Variants in TNRC6B observed in about 807,000 individuals in gnomAD.
TNRC6B encodes the protein trinucleotide repeat containing adaptor 6B.
Under a neutral mutation model 203.6 loss-of-function variants are expected in TNRC6B, and 52 were observed. That is an observed-to-expected ratio of 0.26 (90% CI 0.20 to 0.32). The LOEUF is 0.32. Ranked by LOEUF, TNRC6B falls within the 10% of genes least tolerant of loss-of-function variation. The probability of loss-of-function intolerance (pLI) is 1.00; values close to 1 mark genes in which losing one functional copy is unlikely to be tolerated. For missense variants in TNRC6B, 1,923 were observed against 2,286.2 expected, an observed-to-expected ratio of 0.84 and a Z score of 3.24; for synonymous variants, 838 against 845.7, an observed-to-expected ratio of 0.99 and a Z score of 0.16.
chr22:40,253,522 TGGG>T, intron 3 of TNRC6B: 4 of 450,670 alleles, frequency 8.9e-6, no homozygotes, highest in Admixed American at 7.2e-5. Flanking sequence ...TTTTTCCAAT[TGGG>T]GGCTTTCTCA....
At position 40,053,242 on chromosome 22, in the gene TNRC6B, A is replaced by G. The variant is rs1224848142; in HGVS notation, c.-121+8244A>G. 2.0e-5 allele frequency among the ~76,000 whole-genome samples: 3 copies of G among 152,150 alleles called. No individual in the cohort carries two copies. In the East Asian group the frequency reaches 5.8e-4, roughly 29 times the overall value. ...ATTAATGAAGTTTGACAGTTTTAAT[A>G]AGACTGACTTTCTTTGTGGTTTATA... On this transcript the variant is annotated intron_variant, in intron 1 of 23. Coordinates refer to the TNRC6B transcript ENST00000301923.
At chr22:40,068,622 G>A (rs557691109) in intron 1 of TNRC6B, among the ~76,000 whole-genome samples, 1 of 151,722 alleles carries the variant, frequency 6.6e-6, no homozygotes, top group East Asian at 1.9e-4. Context: ...CTGGCCTCTT[G>A]GTTTGTTCTT....
At chr22:40,081,306 T>G (rs2068061859) in intron 1 of TNRC6B, among the ~76,000 whole-genome samples, 1 of 121,130 alleles carries the variant, frequency 8.3e-6, no homozygotes, top group Non-Finnish European at 1.8e-5. Flanking sequence ...AGTGTCTGCG[T>G]GTTTTTTTTT....
chr22:40,157,639 T>A (rs193219680), intron 4 of TNRC6B, among the ~76,000 whole-genome samples: 1 of 152,346 alleles, frequency 6.6e-6, no homozygotes, highest in East Asian at 1.9e-4. Context: ...AATCAATTCA[T>A]CTTTAGCAAA....
At chr22:40,125,768 T>G in intron 2 of TNRC6B, 1 of 1,588,176 alleles carries the variant, frequency 6.3e-7, no homozygotes, top group South Asian at 1.2e-5. Context: ...CTCTCTTCTT[T>G]TAGGCAGTAT....
intron 1 of TNRC6B, among the ~76,000 whole-genome samples, chr22:40,097,346 C>T (rs1369941265): frequency 1.3e-5 from 2 of 151,764 alleles, no homozygotes; most frequent in African/African-American, 4.8e-5. Context: ...TTCTCTGTTT[C>T]CCAGGCTGGA....
chr22:40,138,102 G>A (rs2068615826), intron 3 of TNRC6B, among the ~76,000 whole-genome samples: 1 of 152,162 alleles, frequency 6.6e-6, no homozygotes, highest in African/African-American at 2.4e-5. Context: ...GAAGACTGAG[G>A]AAGGCTTTTG....
At chr22:40,085,169 A>T (rs1331048886) in intron 1 of TNRC6B, among the ~76,000 whole-genome samples, 1 of 152,180 alleles carries the variant, frequency 6.6e-6, no homozygotes, top group Non-Finnish European at 1.5e-5. Context: ...GTTTTGGAAG[A>T]AGATCTTCCA....
chr22:40,227,834 AGAAGAGCT>A (rs1477097143), intron 1 of TNRC6B, among the ~76,000 whole-genome samples: 4 of 152,260 alleles, frequency 2.6e-5, no homozygotes, highest in Non-Finnish European at 5.9e-5. Flanking sequence ...CTGAATGTTT[AGAAGAGCT>A]GTCCCACCAG....
intron 1 of TNRC6B, among the ~76,000 whole-genome samples, chr22:40,100,582 A>G (rs2068230921): frequency 6.6e-6 from 1 of 152,104 alleles, no homozygotes; most frequent in Non-Finnish European, 1.5e-5. Flanking sequence ...AGTCTTAATT[A>G]TTGGGTCTTA....
At chr22:40,150,294 C>T (rs1474643423) in intron 3 of TNRC6B, among the ~76,000 whole-genome samples, 1 of 152,146 alleles carries the variant, frequency 6.6e-6, no homozygotes, top group Non-Finnish European at 1.5e-5. Context: ...AGGAGAATGG[C>T]GTGAACCCGG....
At chr22:40,094,384 GA>G (rs928989048) in intron 1 of TNRC6B, among the ~76,000 whole-genome samples, 11 of 151,810 alleles carry the variant, frequency 7.2e-5, no homozygotes, top group African/African-American at 2.2e-4. Flanking sequence ...AACTTGTAAA[GA>G]AAAAAACCAT....
At chr22:40,076,145 G>A (rs530315819) in intron 1 of TNRC6B, among the ~76,000 whole-genome samples, 2 of 152,140 alleles carry the variant, frequency 1.3e-5, no homozygotes, top group African/African-American at 4.8e-5. Flanking sequence ...GGCTGTGCAC[G>A]GTGGCTCACG....
intron 1 of TNRC6B, among the ~76,000 whole-genome samples, chr22:40,072,578 C>T (rs1019228025): frequency 3.9e-5 from 6 of 152,064 alleles, no homozygotes; most frequent in Non-Finnish European, 7.4e-5. Flanking sequence ...CAAGAACTGT[C>T]TTTGGCCTGG....
At chr22:40,164,915 G>A (rs2068905543) in intron 4 of TNRC6B, among the ~76,000 whole-genome samples, 1 of 151,090 alleles carries the variant, frequency 6.6e-6, no homozygotes, top group Non-Finnish European at 1.5e-5. Flanking sequence ...CCAAGTAGCT[G>A]GGATTACACA....
chr22:40,161,966 T>A (rs992174813), intron 4 of TNRC6B, among the ~76,000 whole-genome samples: 5 of 152,212 alleles, frequency 3.3e-5, no homozygotes, highest in Non-Finnish European at 7.3e-5. Context: ...TCATAGATTG[T>A]GTTTGACCAT....
intron 1 of TNRC6B, among the ~76,000 whole-genome samples, chr22:40,096,885 G>T (rs76432691): frequency 6.6e-6 from 1 of 152,148 alleles, no homozygotes; most frequent in South Asian, 2.1e-4. Context: ...GTTCTGAAAA[G>T]AACAAGTTGG....
At chr22:40,275,570 G>A (rs1011643187) in intron 7 of TNRC6B, among the ~76,000 whole-genome samples, 1 of 152,038 alleles carries the variant, frequency 6.6e-6, no homozygotes, top group African/African-American at 2.4e-5. Flanking sequence ...CCATCTATCC[G>A]CAGAACTCTT....
In TNRC6B at chr22:40,266,244, C is replaced by G. The variant is rs2070477474; in HGVS notation, c.2014C>G (p.Gln672Glu). 1.3e-6 allele frequency: 2 copies of G among 1,599,238 alleles called. No individual in the cohort carries two copies. The highest frequency in any genetic ancestry group is 1.7e-6 in the Non-Finnish European group (2 of 1,172,526). ...NSGGWGDAPS[Q>E]SNQMKSGWGE... ...AGGGGGCTGGGGAGATGCACCCAGCCAAAGCAATCAAATGAAGTCTGGATG... is the reference window on the plus strand; with the variant it reads ...AGGGGGCTGGGGAGATGCACCCAGCGAAAGCAATCAAATGAAGTCTGGATG... The change falls in exon 5 of 23, where the codon CAA becomes GAA. Residue 672 changes from glutamine (Q) to glutamate (E), a missense_variant. This residue lies in a region of TNRC6B where 599 missense variants were observed against 656.5 expected (regional missense o/e 0.91). Transcript: ENST00000454349.
Sources: gnomAD v4.1 joint callset for allele counts (sites outside exome capture counted in the v4.1 genomes callset) on GRCh38, gnomAD v4.1.1 for gene constraint, gnomAD v4.1.1 regional missense constraint, MANE v1.5 for transcripts, NCBI Gene and HGNC (gene_info 2026-07-23, HGNC 2026-07-21) for gene names.